Variants in DCX observed in about 807,000 individuals in gnomAD.
DCX encodes the protein doublecortin.
In DCX, 4 loss-of-function variants were observed where a neutral mutation model predicts 20.9. The observed-to-expected ratio is 0.19, with a 90% CI of 0.09 to 0.44. The LOEUF is 0.44. Among genes scored for constraint, DCX ranks in the 20% least tolerant of loss-of-function variants. The pLI is 0.99. For missense variants in DCX, 133 were observed against 296.9 expected (o/e 0.45, Z 4.06); for synonymous variants, 103 against 111.4 (o/e 0.92, Z 0.47).
chrX:111,368,023 G>A (rs769512454), intron 3 of DCX, among the ~76,000 whole-genome samples: 5 of 111,517 alleles, frequency 4.5e-5, no homozygotes, highest in African/African-American at 1.6e-4. Context: ...GCTGCGGGGT[G>A]GAAGAGTTCT....
At chrX:111,304,692 T>C (rs1329917612) in intron 6 of DCX, among the ~76,000 whole-genome samples, 2 of 111,723 alleles carry the variant, frequency 1.8e-5, no homozygotes, top group East Asian at 5.6e-4. Flanking sequence ...CATTGATCAG[T>C]TGCAATTGTT....
intron 6 of DCX, 138 bp from the exon 7 acceptor site, chrX:111,301,881 G>A: frequency 1.7e-6 from 1 of 576,549 alleles, no homozygotes; most frequent in Non-Finnish European, 2.8e-6. Context: ...TTGAAAAAAT[G>A]TACAGGGAGG....
intron 5 of DCX, among the ~76,000 whole-genome samples, chrX:111,329,488 C>A (rs970806818): frequency 6.3e-5 from 7 of 111,547 alleles, no homozygotes; most frequent in Non-Finnish European, 3.8e-5. Context: ...GACAGGTAAA[C>A]ACATACTTGA....
intron 6 of DCX, among the ~76,000 whole-genome samples, chrX:111,310,605 T>A (rs2095055710): frequency 8.9e-6 from 1 of 111,979 alleles, no homozygotes; most frequent in Non-Finnish European, 1.9e-5. Context: ...AATTTAAATG[T>A]TTACTTTATT....
At chrX:111,371,907 T>C (rs933179406) in intron 3 of DCX, among the ~76,000 whole-genome samples, 6 of 96,201 alleles carry the variant, frequency 6.2e-5, no homozygotes, top group Non-Finnish European at 1.2e-4. Context: ...GTATTATATA[T>C]ATACAGTATT....
At chrX:111,400,913 G>T in intron 3 of DCX, 77 bp downstream of exon 3, 1 of 936,857 alleles carries the variant, frequency 1.1e-6, no homozygotes, top group Non-Finnish European at 1.5e-6. Flanking sequence ...CCGTCAACAA[G>T]AAATGATATT....
At chrX:111,349,617 G>A (rs938032753) in intron 3 of DCX, among the ~76,000 whole-genome samples, 1 of 111,769 alleles carries the variant, frequency 8.9e-6, no homozygotes, top group Non-Finnish European at 1.9e-5. Context: ...CTTGATTATA[G>A]ATATTCTGAA....
At chrX:111,405,055 G>A (rs1180948000) in intron 2 of DCX, among the ~76,000 whole-genome samples, 1 of 112,526 alleles carries the variant, frequency 8.9e-6, no homozygotes, top group East Asian at 2.8e-4. Flanking sequence ...TTAGGGTGAG[G>A]GGATAAGGAA....
chrX:111,335,624 T>C (rs1042927394), intron 3 of DCX, among the ~76,000 whole-genome samples: 1 of 112,361 alleles, frequency 8.9e-6, no homozygotes, highest in African/African-American at 3.2e-5. Context: ...TGCTAATTAG[T>C]TTGAAAACAA....
At chrX:111,390,109 T>C (rs1926821288) in intron 3 of DCX, among the ~76,000 whole-genome samples, 1 of 111,850 alleles carries the variant, frequency 8.9e-6, no homozygotes, top group Non-Finnish European at 1.9e-5. Flanking sequence ...TCAGAGAGAT[T>C]CTAAGCATGA....
intron 3 of DCX, among the ~76,000 whole-genome samples, chrX:111,376,316 C>A (rs1051993948): frequency 9.0e-6 from 1 of 111,640 alleles, no homozygotes; most frequent in African/African-American, 3.3e-5. Context: ...CTTGCAGAAA[C>A]CTTCACCTTG....
chrX:111,351,017 G>A (rs768203475), intron 3 of DCX, among the ~76,000 whole-genome samples: 3 of 111,788 alleles, frequency 2.7e-5, no homozygotes, highest in Non-Finnish European at 5.6e-5. Flanking sequence ...GGAGGAAACC[G>A]CCCCCATGAT....
At chrX:111,308,453 C>T (rs1192799688) in intron 6 of DCX, among the ~76,000 whole-genome samples, 2 of 111,008 alleles carry the variant, frequency 1.8e-5, no homozygotes, top group African/African-American at 6.6e-5. Flanking sequence ...GTTCTCTTCA[C>T]CAGCCACTTA....
chrX:111,343,076 C>A (rs1922430667), intron 3 of DCX, among the ~76,000 whole-genome samples: 1 of 106,995 alleles, frequency 9.3e-6, no homozygotes, highest in Non-Finnish European at 1.9e-5. Context: ...CAGAGCAGAA[C>A]TGAAGGAGAT....
chrX:111,408,476 C>G (rs1021767581), intron 2 of DCX, among the ~76,000 whole-genome samples: 3 of 109,706 alleles, frequency 2.7e-5, no homozygotes, highest in African/African-American at 1.0e-4. Context: ...CAAAATTAGC[C>G]AGGCATGGTG....
At chrX:111,344,412 T>C (rs1035657817) in intron 3 of DCX, among the ~76,000 whole-genome samples, 7 of 111,651 alleles carry the variant, frequency 6.3e-5, no homozygotes, top group African/African-American at 2.3e-4. Flanking sequence ...GAGAAATAAA[T>C]AAACGGTATT....
At chrX:111,335,324 C>G (rs1327129177) in intron 3 of DCX, among the ~76,000 whole-genome samples, 1 of 112,021 alleles carries the variant, frequency 8.9e-6, no homozygotes, top group Admixed American at 9.5e-5. Context: ...AAATTCATAC[C>G]TTCCTCTATA....
intron 3 of DCX, among the ~76,000 whole-genome samples, chrX:111,358,232 GA>G (rs1400465968): frequency 3.0e-4 from 34 of 112,311 alleles, no homozygotes; most frequent in African/African-American, 1.1e-3. Context: ...TACATTGATA[GA>G]AGCATTGTGT....
chrX:111,324,274 T>C (rs1449634157), intron 5 of DCX, among the ~76,000 whole-genome samples: 2 of 111,153 alleles, frequency 1.8e-5, no homozygotes, highest in Non-Finnish European at 3.8e-5. Flanking sequence ...GAAGTATCCA[T>C]CTCCTTATCA....
Sources: gnomAD v4.1 joint callset for allele counts (sites outside exome capture counted in the v4.1 genomes callset) on GRCh38, gnomAD v4.1.1 for gene constraint, MANE v1.5 for transcripts, NCBI Gene and HGNC (gene_info 2026-07-23, HGNC 2026-07-21) for gene names.